The following LHFPL3 variants were observed in gnomAD, a reference collection of about 807,000 sequenced individuals.
LHFPL3 encodes the protein LHFPL tetraspan subfamily member 3 protein.
In LHFPL3, 5 loss-of-function variants were observed where a neutral mutation model predicts 19.3. That is an observed-to-expected ratio of 0.26 (90% confidence interval 0.14 to 0.54). The LOEUF (loss-of-function observed/expected upper bound fraction) is 0.54. LHFPL3 is among the 20% of genes least tolerant of loss of function. LHFPL3 has a pLI of 0.94. For synonymous variants in LHFPL3, 133 were observed against 126.2 expected (o/e 1.05, Z -0.36); for missense variants, 249 against 307.4 (o/e 0.81, Z 1.42).
intron 2 of LHFPL3, among the ~76,000 whole-genome samples, chr7:104,779,702 T>C (rs1282279049): frequency 2.0e-5 from 3 of 152,228 alleles, no homozygotes; most frequent in Admixed American, 1.3e-4. Context: ...TTTCTTCCTT[T>C]GTCCATGAAC....
chr7:104,894,166 G>A (rs1229511305), intron 2 of LHFPL3, among the ~76,000 whole-genome samples: 1 of 152,136 alleles, frequency 6.6e-6, no homozygotes, highest in African/African-American at 2.4e-5. Flanking sequence ...TATCCTTACA[G>A]TGGTATGGAT....
At chr7:104,481,983 C>T (rs1793145575) in intron 1 of LHFPL3, among the ~76,000 whole-genome samples, 1 of 152,204 alleles carries the variant, frequency 6.6e-6, no homozygotes, top group African/African-American at 2.4e-5. Flanking sequence ...GTGTTGCCTG[C>T]TAATGGCTCT....
Position 104,636,171 on chromosome 7 carries a change from G to T in LHFPL3, c.446-100504G>T, listed in dbSNP as rs544229852. On this transcript the variant is annotated intron_variant, in intron 1 of 2. Transcript: ENST00000424859. Reference sequence around the variant, plus strand: ...AAGCATAATTATATTGGGAGGAGAGGAAGAATATTCACCTACCATAAAGGA... The same window carrying T: ...AAGCATAATTATATTGGGAGGAGAGTAAGAATATTCACCTACCATAAAGGA... 3.3e-5 allele frequency among the ~76,000 whole-genome samples: 5 copies of T among 152,224 alleles called. No homozygotes were observed. The South Asian group carries it at 1.0e-3, about 32-fold the overall frequency.
At chr7:104,810,458 G>T (rs967305437) in intron 2 of LHFPL3, among the ~76,000 whole-genome samples, 1 of 152,152 alleles carries the variant, frequency 6.6e-6, no homozygotes, top group Non-Finnish European at 1.5e-5. Flanking sequence ...GGTTTCAGAG[G>T]TAGAACTCAC....
At chr7:104,751,219 CT>C (rs1456922080) in intron 2 of LHFPL3, among the ~76,000 whole-genome samples, 1 of 122,932 alleles carries the variant, frequency 8.1e-6, no homozygotes, top group Non-Finnish European at 1.7e-5. Context: ...CTGATTGACA[CT>C]CAGGATTGGC....
chr7:104,622,957 A>C, intron 1 of LHFPL3: 1 of 318,642 alleles, frequency 3.1e-6, no homozygotes, highest in Non-Finnish European at 6.4e-6. Flanking sequence ...TTTTATTTTT[A>C]TCTGTCATTT....
intron 1 of LHFPL3, among the ~76,000 whole-genome samples, chr7:104,735,780 G>C (rs1793803665): frequency 6.6e-6 from 1 of 152,198 alleles, no homozygotes; most frequent in South Asian, 2.1e-4. Flanking sequence ...GAAATCACCT[G>C]TCTTCTGTGT....
chr7:104,490,283 C>A lies in LHFPL3; in HGVS notation c.445+161059C>A, dbSNP rs535030109. 3.9e-5 allele frequency among the ~76,000 whole-genome samples: 6 copies of A among 152,230 alleles called. No individual in the cohort carries two copies. In the East Asian group the frequency reaches 1.2e-3, roughly 29 times the overall value. ...AAACAAGTGACCAACATTTCCTTAT[C>A]CTTTTGGGTACATCTGTTTCACTCC... On this transcript the variant is annotated intron_variant, in intron 1 of 2. Coordinates refer to ENST00000424859, the MANE Select transcript of LHFPL3 (RefSeq NM_199000.3).
At chr7:104,409,556 C>T (rs532643953) in intron 1 of LHFPL3, among the ~76,000 whole-genome samples, 19 of 151,962 alleles carry the variant, frequency 1.3e-4, no homozygotes, top group East Asian at 5.8e-4. Flanking sequence ...GTCAAGGCTG[C>T]GGTGAGCTGT....
chr7:104,415,745 G>A (rs1467200023), intron 1 of LHFPL3, among the ~76,000 whole-genome samples: 1 of 152,144 alleles, frequency 6.6e-6, no homozygotes, highest in East Asian at 1.9e-4. Context: ...TTGGTTGAAT[G>A]CAACAGACAT....
At chr7:104,374,198 C>G (rs1177527183) in intron 1 of LHFPL3, among the ~76,000 whole-genome samples, 1 of 115,554 alleles carries the variant, frequency 8.7e-6, no homozygotes, top group Non-Finnish European at 1.8e-5. Context: ...ATCTATCTAT[C>G]TATCTATATA....
intron 1 of LHFPL3, among the ~76,000 whole-genome samples, chr7:104,348,823 C>T (rs149342461): frequency 1.4e-3 from 212 of 152,320 alleles, no homozygotes; most frequent in Non-Finnish European, 2.4e-3. Context: ...GAGACTGGCA[C>T]GTGTCAGAAG....
intron 1 of LHFPL3, among the ~76,000 whole-genome samples, chr7:104,551,116 T>TACACAC (rs3049711): frequency 6.0e-5 from 9 of 150,270 alleles, no homozygotes; most frequent in East Asian, 5.8e-4. Context: ...CATCCTTGTG[T>TACACAC]ACACACACAC....
intron 1 of LHFPL3, among the ~76,000 whole-genome samples, chr7:104,722,435 C>T (rs1041673440): frequency 8.5e-5 from 13 of 152,104 alleles, no homozygotes; most frequent in East Asian, 1.9e-4. Context: ...TTTTGTGTTA[C>T]GACCCCAAGT....
At chr7:104,420,995 G>T (rs1055554716) in intron 1 of LHFPL3, among the ~76,000 whole-genome samples, 3 of 152,210 alleles carry the variant, frequency 2.0e-5, no homozygotes, top group Admixed American at 6.5e-5. Flanking sequence ...AAAGGAATCA[G>T]ACAGATGGGC....
At chr7:104,817,426 G>A (rs938737756) in intron 2 of LHFPL3, among the ~76,000 whole-genome samples, 3 of 152,022 alleles carry the variant, frequency 2.0e-5, no homozygotes, top group African/African-American at 7.3e-5. Context: ...CTTGTTCATT[G>A]GGAAGTTTTC....
At chr7:104,603,052 TTTTC>T (rs1223101438) in intron 1 of LHFPL3, among the ~76,000 whole-genome samples, 6 of 150,752 alleles carry the variant, frequency 4.0e-5, no homozygotes, top group African/African-American at 1.2e-4. Context: ...GTTTTCTTTT[TTTTC>T]TTTCTTTCTT....
At chr7:104,437,306 A>T (rs1305264609) in intron 1 of LHFPL3, among the ~76,000 whole-genome samples, 2 of 152,230 alleles carry the variant, frequency 1.3e-5, no homozygotes, top group Non-Finnish European at 2.9e-5. Flanking sequence ...ATGACTGAAC[A>T]TAGAGAACAC....
chr7:104,558,460 G>C (rs895442491), intron 1 of LHFPL3, among the ~76,000 whole-genome samples: 22 of 151,986 alleles, frequency 1.4e-4, no homozygotes, highest in Non-Finnish European at 2.9e-4. Flanking sequence ...TGTGTTTTTT[G>C]GCTGCACAAA....
Sources: allele counts gnomAD v4.1 joint callset (sites outside exome capture counted in the v4.1 genomes callset), GRCh38; gene constraint gnomAD v4.1.1; transcripts MANE v1.5; gene names NCBI Gene and HGNC (gene_info 2026-07-23, HGNC 2026-07-21).